Variants in INVS observed in about 807,000 individuals in gnomAD.
INVS encodes inversion of embryo turning homolog.
Under a neutral mutation model 108.8 loss-of-function variants are expected in INVS, and 86 were observed. The observed-to-expected ratio is 0.79, with a 90% CI of 0.66 to 0.95. INVS has a LOEUF of 0.95. Among genes scored for constraint, INVS ranks in the 40% least tolerant of loss-of-function variants. The pLI is 0.00. For synonymous variants in INVS, 455 were observed against 473.5 expected (o/e 0.96, Z 0.51); for missense variants, 1,169 against 1,297.4 (o/e 0.90, Z 1.52).
intron 3 of INVS, among the ~76,000 whole-genome samples, chr9:100,150,324 C>G (rs1588041066): frequency 6.6e-6 from 1 of 152,076 alleles, no homozygotes; most frequent in Non-Finnish European, 1.5e-5. Flanking sequence ...TTTACCAAGT[C>G]ATGAAAATAC....
At chr9:100,255,684 G>T (rs1832396880) in intron 10 of INVS, among the ~76,000 whole-genome samples, 1 of 152,152 alleles carries the variant, frequency 6.6e-6, no homozygotes, top group African/African-American at 2.4e-5. Context: ...TGTGGTTTTT[G>T]TCTTTGATTC....
chr9:100,225,819 A>G (rs1397795816), intron 3 of INVS, among the ~76,000 whole-genome samples: 1 of 152,176 alleles, frequency 6.6e-6, no homozygotes, highest in African/African-American at 2.4e-5. Flanking sequence ...ATGTTGTTTT[A>G]TTTGCAATAA....
chr9:100,233,734 T>C (rs1313193362), intron 5 of INVS, among the ~76,000 whole-genome samples: 1 of 152,214 alleles, frequency 6.6e-6, no homozygotes, highest in Admixed American at 6.5e-5. Flanking sequence ...TTGATCATGG[T>C]GGATAAGCTT....
chr9:100,244,026 A>C lies in INVS; in HGVS notation c.906+1347A>C, dbSNP rs140858492. On this transcript the variant is annotated intron_variant, in intron 7 of 16. Coordinates refer to ENST00000262457, the MANE Select transcript of INVS (RefSeq NM_014425.5). Reference sequence around the variant, plus strand: ...ACTTCATCTCAAAAATAAATAAATAAATAAATAATACTATCATCAAGCGTA... The same window carrying C: ...ACTTCATCTCAAAAATAAATAAATACATAAATAATACTATCATCAAGCGTA... Among the ~76,000 whole-genome samples, 665 of 152,058 alleles carry C rather than the reference A, an allele frequency of 4.4e-3. 4 individuals carry two copies. Among genetic ancestry groups the C allele is most frequent in the African/African-American group, 0.015 (639 of 41,502 alleles).
At chr9:100,278,274 C>G (rs1027995992) in intron 12 of INVS, among the ~76,000 whole-genome samples, 7 of 148,992 alleles carry the variant, frequency 4.7e-5, no homozygotes, top group Middle Eastern at 3.6e-3. Flanking sequence ...AGGAGCTGGT[C>G]TCTGAGATCT....
chr9:100,184,947 C>T (rs567210276), intron 3 of INVS, among the ~76,000 whole-genome samples: 15 of 152,264 alleles, frequency 9.9e-5, no homozygotes, highest in Admixed American at 9.2e-4. Flanking sequence ...AAAGCTATTT[C>T]TTACCTGGGC....
At chr9:100,121,725 T>C (rs1387310172) in intron 2 of INVS, among the ~76,000 whole-genome samples, 2 of 152,096 alleles carry the variant, frequency 1.3e-5, no homozygotes, top group Non-Finnish European at 2.9e-5. Flanking sequence ...TTTTCTTATG[T>C]ACTTCCTTCT....
intron 4 of INVS, 99 bp downstream of exon 4, chr9:100,226,334 T>C (rs1831320831): frequency 2.2e-6 from 2 of 930,006 alleles, no homozygotes; most frequent in African/African-American, 1.6e-5. Flanking sequence ...TTACCACATA[T>C]ATACATGGTA....
chr9:100,158,756 G>A (rs990072873), intron 3 of INVS, among the ~76,000 whole-genome samples: 34 of 152,166 alleles, frequency 2.2e-4, no homozygotes, highest in East Asian at 9.6e-4. Flanking sequence ...TCCAAATCCC[G>A]CGTTGAAATT....
chr9:100,117,557 C>A, intron 2 of INVS: 1 of 1,086,324 alleles, frequency 9.2e-7, no homozygotes, highest in Non-Finnish European at 1.4e-6. Context: ...GAAACCTCCG[C>A]GGAAGCCACC....
intron 12 of INVS, among the ~76,000 whole-genome samples, chr9:100,273,686 C>T (rs370556929): frequency 7.8e-4 from 118 of 151,520 alleles, no homozygotes; most frequent in East Asian, 3.6e-3. Context: ...TACAGGCGCG[C>T]GCCACCACAC....
At chr9:100,161,754 G>A (rs1489349691) in intron 3 of INVS, among the ~76,000 whole-genome samples, 1 of 152,116 alleles carries the variant, frequency 6.6e-6, no homozygotes, top group Non-Finnish European at 1.5e-5. Flanking sequence ...GCTTCGCTTA[G>A]GTTGATTTAA....
At chr9:100,100,779 ATATATAT>A (rs1339628730) in intron 1 of INVS, among the ~76,000 whole-genome samples, 4 of 8,040 alleles carry the variant, frequency 5.0e-4, no homozygotes, top group African/African-American at 2.3e-3. Context: ...TGTATATATA[ATATATAT>A]TATATATATA....
At chr9:100,240,296 C>A in intron 6 of INVS, 56 bp downstream of exon 6, 1 of 1,330,580 alleles carries the variant, frequency 7.5e-7, no homozygotes, top group Non-Finnish European at 1.1e-6. Context: ...AGGAATATTT[C>A]TGTGCCTTCC....
At chr9:100,203,940 A>C (rs2118250573) in intron 3 of INVS, among the ~76,000 whole-genome samples, 1 of 152,262 alleles carries the variant, frequency 6.6e-6, no homozygotes, top group Middle Eastern at 3.4e-3. Context: ...CAGTGAAGAA[A>C]CCCATTAATT....
chr9:100,105,850 C>CTT (rs543070811), intron 2 of INVS, among the ~76,000 whole-genome samples: 7,994 of 63,590 alleles, frequency 0.13, 1,052 homozygotes, highest in East Asian at 0.53. Context: ...GAAAAATTCC[C>CTT]TTTTTTTTTT....
chr9:100,148,077 A>G (rs1026377779), intron 3 of INVS, among the ~76,000 whole-genome samples: 3 of 151,682 alleles, frequency 2.0e-5, no homozygotes, highest in East Asian at 3.9e-4. Flanking sequence ...CTGTAATCCC[A>G]GCTTCTCAGG....
At chr9:100,293,910 C>T (rs982538564) in intron 14 of INVS, among the ~76,000 whole-genome samples, 9 of 152,194 alleles carry the variant, frequency 5.9e-5, no homozygotes, top group African/African-American at 2.2e-4. Flanking sequence ...CACCTGTAAC[C>T]CCAGCACTTT....
At chr9:100,110,943 A>G (rs1202373285) in intron 2 of INVS, among the ~76,000 whole-genome samples, 3 of 152,236 alleles carry the variant, frequency 2.0e-5, no homozygotes, top group Non-Finnish European at 2.9e-5. Flanking sequence ...ATGTTAGGAC[A>G]CTGAGACTCA....
Sources: gnomAD v4.1 joint callset for allele counts (sites outside exome capture counted in the v4.1 genomes callset) on GRCh38, gnomAD v4.1.1 for gene constraint, MANE v1.5 for transcripts, NCBI Gene and HGNC (gene_info 2026-07-23, HGNC 2026-07-21) for gene names.